BMPR1B: variants seen among roughly 807,000 people sequenced by gnomAD.
The protein encoded by BMPR1B is bone morphogenetic protein receptor type-1B.
Under a neutral mutation model 59.1 loss-of-function variants are expected in BMPR1B, and 12 were observed. That is an observed-to-expected ratio of 0.20 (90% CI 0.13 to 0.33). The LOEUF (loss-of-function observed/expected upper bound fraction) is 0.33. BMPR1B is among the 10% of genes least tolerant of loss of function. The probability of loss-of-function intolerance (pLI) is 1.00; values close to 1 mark genes in which losing one functional copy is unlikely to be tolerated. For missense variants in BMPR1B, 550 were observed against 610.9 expected (o/e 0.90, Z 1.05); for synonymous variants, 237 against 207.3 (o/e 1.14, Z -1.23).
At chr4:94,968,348 T>TTTG (rs762996804) in intron 2 of BMPR1B, among the ~76,000 whole-genome samples, 2 of 107,806 alleles carry the variant, frequency 1.9e-5, no homozygotes, top group Non-Finnish European at 4.0e-5. Context: ...AATAGTTTTT[T>TTTG]TTGTTGTTGT....
rs554325312 is a variant in BMPR1B, at chr4:95,131,153, A to G, written c.779-62A>G. 52 of 1,483,674 alleles carry G rather than the reference A, an allele frequency of 3.5e-5. No individual in the cohort carries two copies. In the South Asian group the frequency reaches 5.9e-4, roughly 17 times the overall value. 91.9% of individuals were successfully genotyped at this position (1,483,674 alleles called of 1,614,324 possible). ...CTATGACAAAGAATGATGTTTGAGA[A>G]TATGAATTATTCCTGATACTATTTG... On this transcript the variant is annotated intron_variant, in intron 9 of 12. Coordinates refer to ENST00000515059, the MANE Select transcript of BMPR1B (RefSeq NM_001203.3).
At chr4:94,870,851 C>A (rs78777297) in intron 1 of BMPR1B, among the ~76,000 whole-genome samples, 35 of 152,172 alleles carry the variant, frequency 2.3e-4, no homozygotes, top group African/African-American at 7.7e-4. Context: ...CCCACATTAA[C>A]GTTGGAAGGT....
chr4:94,890,389 T>C (rs1308528240), intron 2 of BMPR1B, among the ~76,000 whole-genome samples: 2 of 152,106 alleles, frequency 1.3e-5, no homozygotes, highest in African/African-American at 4.8e-5. Context: ...CTTCCCACTT[T>C]TATGAACAAT....
chr4:95,072,503 G>A (rs1728384745), intron 3 of BMPR1B, among the ~76,000 whole-genome samples: 1 of 152,158 alleles, frequency 6.6e-6, no homozygotes, highest in African/African-American at 2.4e-5. Flanking sequence ...TGAAGTGGAA[G>A]ACAAGTGTCA....
intron 2 of BMPR1B, among the ~76,000 whole-genome samples, chr4:94,913,656 T>C (rs1728374311): frequency 6.6e-6 from 1 of 152,086 alleles, no homozygotes. Context: ...TCTCTGTGTG[T>C]GTGTGTGTGT....
At chr4:94,928,661 T>A (rs575763284) in intron 2 of BMPR1B, among the ~76,000 whole-genome samples, 3 of 151,870 alleles carry the variant, frequency 2.0e-5, no homozygotes, top group Non-Finnish European at 4.4e-5. Flanking sequence ...AACAGATGGC[T>A]GGCACTATAG....
At chr4:94,936,140 C>T (rs901415857) in intron 2 of BMPR1B, among the ~76,000 whole-genome samples, 10 of 152,002 alleles carry the variant, frequency 6.6e-5, no homozygotes, top group Non-Finnish European at 1.0e-4. Flanking sequence ...TTTATCTGAC[C>T]GTGGTATTCA....
chr4:94,947,138 G>A (rs965697372), intron 2 of BMPR1B, among the ~76,000 whole-genome samples: 2 of 152,074 alleles, frequency 1.3e-5, no homozygotes, highest in Non-Finnish European at 2.9e-5. Context: ...TTAGTAAAAC[G>A]GATGTGAGGT....
intron 3 of BMPR1B, among the ~76,000 whole-genome samples, chr4:95,100,361 C>T (rs1167041278): frequency 6.6e-6 from 1 of 152,124 alleles, no homozygotes; most frequent in Non-Finnish European, 1.5e-5. Flanking sequence ...ATTTTTCCCT[C>T]AGACTTTTGA....
At chr4:95,124,903 T>C (rs1732791064) in intron 7 of BMPR1B, 80 bp from the exon 8 acceptor site, 2 of 1,353,294 alleles carry the variant, frequency 1.5e-6, no homozygotes, top group African/African-American at 2.9e-5. Flanking sequence ...AAAACTGCTG[T>C]GATTACCATT....
At chr4:95,011,252 C>G (rs1301193967) in intron 3 of BMPR1B, among the ~76,000 whole-genome samples, 1 of 152,084 alleles carries the variant, frequency 6.6e-6, no homozygotes, top group Non-Finnish European at 1.5e-5. Flanking sequence ...CCTCCACCCT[C>G]AGGTAGACCC....
intron 1 of BMPR1B, among the ~76,000 whole-genome samples, chr4:94,811,891 T>G (rs987316630): frequency 6.6e-6 from 1 of 152,204 alleles, no homozygotes; most frequent in African/African-American, 2.4e-5. Flanking sequence ...TAGCATATTC[T>G]GCGATGTGGA....
intron 10 of BMPR1B, among the ~76,000 whole-genome samples, chr4:95,141,908 G>A (rs1047375424): frequency 1.3e-5 from 2 of 152,118 alleles, no homozygotes; most frequent in South Asian, 4.1e-4. Context: ...AGTTCGGAGG[G>A]TACTGAATTT....
intron 1 of BMPR1B, among the ~76,000 whole-genome samples, chr4:94,785,008 A>G (rs1317371087): frequency 1.3e-5 from 2 of 152,186 alleles, no homozygotes; most frequent in African/African-American, 4.8e-5. Context: ...AAATATTAAT[A>G]CAAGAAAGTT....
chr4:94,783,167 A>G (rs144700868), intron 1 of BMPR1B, among the ~76,000 whole-genome samples: 1 of 152,208 alleles, frequency 6.6e-6, no homozygotes, highest in African/African-American at 2.4e-5. Flanking sequence ...GGATCCACGA[A>G]TTGCTGGCCG....
chr4:95,041,576 C>T (rs866834549), intron 3 of BMPR1B, among the ~76,000 whole-genome samples: 4 of 151,766 alleles, frequency 2.6e-5, no homozygotes, highest in African/African-American at 9.7e-5. Context: ...TTACCAGCCT[C>T]CCAGATTCTT....
At chr4:95,153,039 T>C (rs1735168646) in intron 12 of BMPR1B, among the ~76,000 whole-genome samples, 1 of 152,238 alleles carries the variant, frequency 6.6e-6, no homozygotes, top group African/African-American at 2.4e-5. Context: ...ATTTTCTTTA[T>C]TTATAATGTC....
intron 4 of BMPR1B, among the ~76,000 whole-genome samples, chr4:95,106,036 G>T (rs1053380632): frequency 6.6e-6 from 1 of 152,122 alleles, no homozygotes; most frequent in Admixed American, 6.6e-5. Flanking sequence ...TCCTAAGTTG[G>T]TTTGATAGAA....
chr4:94,810,205 A>G (rs1205652962), intron 1 of BMPR1B, among the ~76,000 whole-genome samples: 2 of 152,202 alleles, frequency 1.3e-5, no homozygotes, highest in East Asian at 1.9e-4. Context: ...TTTCAAGCCC[A>G]TCGAAGTATT....
Sources: allele counts gnomAD v4.1 joint callset (sites outside exome capture counted in the v4.1 genomes callset), GRCh38; gene constraint gnomAD v4.1.1; transcripts MANE v1.5; gene names NCBI Gene and HGNC (gene_info 2026-07-23, HGNC 2026-07-21).